MYOM1: variants seen among roughly 807,000 people sequenced by gnomAD.
MYOM1 encodes the protein myomesin-1.
A neutral mutation model predicts 205.3 loss-of-function variants in MYOM1; 164 were observed. That is an observed-to-expected ratio of 0.80 (90% CI 0.70 to 0.91). The LOEUF is 0.91. Ranked by LOEUF, MYOM1 falls within the 40% of genes least tolerant of loss-of-function variation. MYOM1 has a pLI of 0.00. For missense variants in MYOM1, 2,011 were observed against 2,127.3 expected (o/e 0.95, Z 1.08); for synonymous variants, 772 against 789.4 (o/e 0.98, Z 0.37).
At chr18:3,216,509 C>G (rs2081269300) in intron 1 of MYOM1, among the ~76,000 whole-genome samples, 1 of 152,188 alleles carries the variant, frequency 6.6e-6, no homozygotes, top group Non-Finnish European at 1.5e-5. Flanking sequence ...AACATCTGAG[C>G]ATGAGACTTT....
At position 3,094,286 on chromosome 18, in the gene MYOM1, A is replaced by T. The variant is rs781194089; in HGVS notation, c.3748T>A (p.Leu1250Met). 5.6e-6 allele frequency: 9 copies of T among 1,613,676 alleles called. No homozygotes were observed. The highest frequency in any genetic ancestry group is 1.7e-4 in the Middle Eastern group (1 of 6,060). The change falls in exon 26 of 38, where the codon TTG becomes ATG. Residue 1250 changes from leucine (L) to methionine (M), a missense_variant. Physicochemically the swap from Leu to Met is conservative, Grantham distance 15. Transcript: ENST00000356443. ...CCTTTCTCCAAAATTTCAACTGCCA[A>T]CTCTGATTTAACTGGGACAGCTATG... is the stretch of plus-strand genomic sequence containing the variant. ...KFPTVPVKSE[L>M]AVEILEKGQV...
rs1357628118 is a variant in MYOM1 at position 3,160,706 on chromosome 18, CT to C, written c.1501+3571del. ...TCACAATGCAATTGCTGAAATTTAC[CT>C]TTCCAATTTTGCCTTTTCTATTTAT... On this transcript the variant is annotated intron_variant, in intron 10 of 37. Coordinates refer to ENST00000356443, the MANE Select transcript of MYOM1 (RefSeq NM_003803.4). 3.3e-5 allele frequency among the ~76,000 whole-genome samples: 5 copies of C among 152,110 alleles called. No individual in the cohort carries two copies. In the East Asian group the frequency reaches 9.7e-4, roughly 29 times the overall value.
chr18:3,151,776 CA>C lies in MYOM1; in HGVS notation c.1760del (p.Val587GlyfsTer6). On this transcript the variant is annotated frameshift_variant, in exon 12 of 38. Coordinates refer to ENST00000356443, the MANE Select transcript of MYOM1 (RefSeq NM_003803.4). LOFTEE classifies it high-confidence loss of function. The part of the protein sequence containing the change: ...GRSYIFRVRA[V>X]NKMGIGFPSR... ...ATGGGAAACCTATTCCCATTTTATT[CA>C]CAGCTCGAACTCGGAAGATATAGGA... is the stretch of plus-strand genomic sequence containing the variant. 1 of 1,613,918 alleles carries C rather than the reference CA, an allele frequency of 6.2e-7. No individual in the cohort carries two copies. Among genetic ancestry groups the C allele is most frequent in the African/African-American group, 1.3e-5 (1 of 75,038 alleles).
chr18:3,067,592 T>A, intron 37 of MYOM1, 37 bp from the exon 38 acceptor site: 1 of 1,590,636 alleles, frequency 6.3e-7, no homozygotes, highest in Non-Finnish European at 8.6e-7. Context: ...AGAAGATAAA[T>A]TAGATGTAAT....
intron 5 of MYOM1, among the ~76,000 whole-genome samples, chr18:3,184,743 G>C (rs1365047843): frequency 6.6e-6 from 1 of 152,222 alleles, no homozygotes; most frequent in Non-Finnish European, 1.5e-5. Context: ...GAGAATGTAC[G>C]ATAAAGAATG....
At chr18:3,159,066 CAG>C (rs2080343327) in intron 10 of MYOM1, among the ~76,000 whole-genome samples, 2 of 151,286 alleles carry the variant, frequency 1.3e-5, no homozygotes, top group Admixed American at 6.6e-5. Flanking sequence ...GCAAGAGAAA[CAG>C]AGTGTGAAAA....
chr18:3,131,401 T>C lies in MYOM1; in HGVS notation c.2480A>G (p.Glu827Gly). 1 of 1,613,862 alleles carries C rather than the reference T, an allele frequency of 6.2e-7. No homozygotes were observed. Among genetic ancestry groups the C allele is most frequent in the Non-Finnish European group, 8.5e-7 (1 of 1,179,824 alleles). Residue 827 changes from glutamate (E) to glycine (G), a missense_variant, in exon 17 of 38, where the codon GAA (glutamate) becomes GGA (glycine). Transcript: ENST00000356443. ...AATAGCAGCTTTGACTTCAATAGCT[T>C]CTGAATCCTGGGAATATTCACTAAG... Reference protein sequence around the residue: ...AGLSEYSQDSEAIEVKAAIGG... With the variant: ...AGLSEYSQDSGAIEVKAAIGG...
chr18:3,146,521 C>T (rs12604350), intron 13 of MYOM1, among the ~76,000 whole-genome samples: 21,564 of 152,012 alleles, frequency 0.14, 1,861 homozygotes, highest in East Asian at 0.34. Flanking sequence ...AAAAATCATA[C>T]GATCGTCTCA....
chr18:3,166,739 A>T (rs149894319), intron 9 of MYOM1, among the ~76,000 whole-genome samples: 3 of 152,324 alleles, frequency 2.0e-5, no homozygotes, highest in African/African-American at 7.2e-5. Context: ...ACAATACCGC[A>T]AGGCATTATC....
chr18:3,104,991 C>T (rs1467435122), intron 22 of MYOM1, among the ~76,000 whole-genome samples: 2 of 152,034 alleles, frequency 1.3e-5, no homozygotes, highest in African/African-American at 4.8e-5. Context: ...TCAAGTGATC[C>T]ACCCGCCTTG....
At chr18:3,130,082 C>T (rs988616346) in intron 17 of MYOM1, among the ~76,000 whole-genome samples, 16 of 151,428 alleles carry the variant, frequency 1.1e-4, no homozygotes, top group African/African-American at 3.9e-4. Context: ...TCACTCTGTC[C>T]CCCAGGCTGG....
chr18:3,242,222 G>C, the MYOM1 span, among the ~76,000 whole-genome samples: 1 of 152,166 alleles, frequency 6.6e-6, no homozygotes, highest in Non-Finnish European at 1.5e-5. Flanking sequence ...GCTTGGCTCT[G>C]TGTCCCCACC....
At chr18:3,174,510 T>C (rs966158846) in intron 6 of MYOM1, among the ~76,000 whole-genome samples, 1 of 152,050 alleles carries the variant, frequency 6.6e-6, no homozygotes, top group Non-Finnish European at 1.5e-5. Context: ...AACCAAGTGC[T>C]AGGCACATAA....
chr18:3,184,667 A>C (rs1263609285), intron 5 of MYOM1, among the ~76,000 whole-genome samples: 2 of 152,112 alleles, frequency 1.3e-5, no homozygotes, highest in Admixed American at 1.3e-4. Context: ...GTTTGTTTTA[A>C]TATTTATTTT....
At chr18:3,134,852 C>CTCAAGTGG in intron 15 of MYOM1, 28 bp from the exon 16 acceptor site, 1 of 1,613,022 alleles carries the variant, frequency 6.2e-7, no homozygotes, top group Non-Finnish European at 8.5e-7. Flanking sequence ...GGTGATCAAA[C>CTCAAGTGG]TCAAGTGGTT....
chr18:3,215,272 T>C (rs1485376025), intron 1 of MYOM1, 21 bp from the exon 2 acceptor site: 1 of 1,521,130 alleles, frequency 6.6e-7, no homozygotes, highest in Non-Finnish European at 8.9e-7. Context: ...ACAACACTTT[T>C]TGAGTGACTT....
At chr18:3,097,179 TTCA>T (rs762723749) in intron 25 of MYOM1, among the ~76,000 whole-genome samples, 3 of 152,170 alleles carry the variant, frequency 2.0e-5, no homozygotes, top group Non-Finnish European at 4.4e-5. Flanking sequence ...AGAAAACGAC[TTCA>T]TCAACATGCC....
At chr18:3,182,917 T>C (rs996825168) in intron 5 of MYOM1, among the ~76,000 whole-genome samples, 1 of 116,630 alleles carries the variant, frequency 8.6e-6, no homozygotes, top group Non-Finnish European at 1.7e-5. Flanking sequence ...TTTCTTCTTT[T>C]TTTTTTTTTT....
rs146924794 is a variant in MYOM1 at position 3,118,815 on chromosome 18, G to T, written c.3118+1054C>A. 4.6e-5 allele frequency among the ~76,000 whole-genome samples: 7 copies of T among 152,304 alleles called. No homozygotes were observed. In the East Asian group the frequency reaches 1.2e-3, roughly 25 times the overall value. On this transcript the variant is annotated intron_variant, in intron 20 of 37. Transcript: ENST00000356443. ...GGCCTCAAGGAACTGCAAGGAAAGA[G>T]CAATGTGTTTGTCTCTCTCTATTTG... is the stretch of plus-strand genomic sequence containing the variant.
Sources: allele counts gnomAD v4.1 joint callset (sites outside exome capture counted in the v4.1 genomes callset), GRCh38; gene constraint gnomAD v4.1.1; transcripts MANE v1.5; gene names NCBI Gene and HGNC (gene_info 2026-07-23, HGNC 2026-07-21).